The following EPHA6 variants were observed in gnomAD, a reference collection of about 807,000 sequenced individuals.
EPHA6 encodes the protein EPH receptor A6, also known as ephrin type-A receptor 6.
In EPHA6, 50 loss-of-function variants were observed where a neutral mutation model predicts 112.0. That is an observed-to-expected ratio of 0.45 (90% confidence interval 0.36 to 0.56). The LOEUF (loss-of-function observed/expected upper bound fraction) is 0.56. Among genes scored for constraint, EPHA6 ranks in the 20% least tolerant of loss-of-function variants. The pLI is 0.00. For missense variants in EPHA6, 1,280 were observed against 1,417.4 expected (o/e 0.90, Z 1.56); for synonymous variants, 529 against 490.7 (o/e 1.08, Z -1.03).
chr3:97,238,441 C>A (rs1472710342), intron 4 of EPHA6, among the ~76,000 whole-genome samples: 1 of 151,838 alleles, frequency 6.6e-6, no homozygotes, highest in Non-Finnish European at 1.5e-5. Context: ...GCATTCATTT[C>A]TTTAGTTAAA....
chr3:97,376,190 G>A (rs2109001028), intron 5 of EPHA6, among the ~76,000 whole-genome samples: 1 of 152,136 alleles, frequency 6.6e-6, no homozygotes, highest in South Asian at 2.1e-4. Context: ...TAAATTAAAG[G>A]AAGAAACACT....
At chr3:97,420,273 AC>A (rs2088508746) in intron 6 of EPHA6, among the ~76,000 whole-genome samples, 1 of 151,092 alleles carries the variant, frequency 6.6e-6, no homozygotes, top group Non-Finnish European at 1.5e-5. Context: ...CATTCAATAA[AC>A]TGTTTATCCT....
chr3:96,862,181 A>T (rs1481776801), intron 1 of EPHA6, among the ~76,000 whole-genome samples: 1 of 151,966 alleles, frequency 6.6e-6, no homozygotes, highest in African/African-American at 2.4e-5. Flanking sequence ...AATTCGAAGT[A>T]TTCTCTGATT....
intron 6 of EPHA6, among the ~76,000 whole-genome samples, chr3:97,438,544 A>G (rs1429498490): frequency 6.6e-6 from 1 of 152,210 alleles, no homozygotes; most frequent in East Asian, 1.9e-4. Context: ...GGAGCAATTA[A>G]TTCATTTTTT....
At chr3:97,382,394 T>C (rs1210158478) in intron 5 of EPHA6, among the ~76,000 whole-genome samples, 1 of 152,062 alleles carries the variant, frequency 6.6e-6, no homozygotes, top group Non-Finnish European at 1.5e-5. Flanking sequence ...TAGCATTTTG[T>C]TCTTTGTGTT....
intron 10 of EPHA6, among the ~76,000 whole-genome samples, chr3:97,489,457 G>A (rs1397972157): frequency 3.9e-5 from 6 of 152,114 alleles, no homozygotes; most frequent in East Asian, 1.9e-4. Context: ...AGGCCCAGGC[G>A]GGTGGATCAC....
In EPHA6 at chr3:97,279,879, T is replaced by G. The variant is rs1438264995; in HGVS notation, c.1606+35592T>G. On this transcript the variant is annotated intron_variant, in intron 5 of 17. Transcript: ENST00000389672. Reference sequence around the variant, plus strand: ...CTCCCTAGCATTTCTTTTTTCTTGTTGTTCGTTTGTTTTTGTTTTTTTTGA... The same window carrying G: ...CTCCCTAGCATTTCTTTTTTCTTGTGGTTCGTTTGTTTTTGTTTTTTTTGA... 1.3e-5 allele frequency among the ~76,000 whole-genome samples: 2 copies of G among 152,038 alleles called. 1 individual carries two copies. The highest frequency in any genetic ancestry group is 1.3e-4 in the Admixed American group (2 of 15,258).
chr3:97,504,784 A>G (rs556191993), intron 10 of EPHA6, among the ~76,000 whole-genome samples: 4 of 152,268 alleles, frequency 2.6e-5, no homozygotes, highest in Admixed American at 2.0e-4. Flanking sequence ...TTATTTTCAT[A>G]AAGTTGAAAT....
chr3:97,522,248 C>T (rs1011824886), intron 10 of EPHA6, among the ~76,000 whole-genome samples: 1 of 152,134 alleles, frequency 6.6e-6, no homozygotes, highest in Admixed American at 6.6e-5. Flanking sequence ...TCAAAAGTTT[C>T]TGTAGTGGAA....
chr3:97,045,565 A>C (rs1049224101), intron 3 of EPHA6, among the ~76,000 whole-genome samples: 14 of 151,996 alleles, frequency 9.2e-5, no homozygotes, highest in Non-Finnish European at 1.6e-4. Context: ...TCTAAGTAAA[A>C]AGAAAGCTAG....
intron 14 of EPHA6, among the ~76,000 whole-genome samples, chr3:97,676,960 A>G (rs951510406): frequency 1.3e-5 from 2 of 152,204 alleles, no homozygotes; most frequent in Non-Finnish European, 2.9e-5. Flanking sequence ...ATTTTGCTGT[A>G]CAATGTGGCA....
chr3:97,645,574 G>A (rs2094052972), intron 14 of EPHA6, among the ~76,000 whole-genome samples: 1 of 150,256 alleles, frequency 6.7e-6, no homozygotes, highest in Non-Finnish European at 1.5e-5. Context: ...TAGATGACGA[G>A]TTAGTGGGTG....
intron 2 of EPHA6, among the ~76,000 whole-genome samples, chr3:96,954,773 C>CTTTTTTTTTTTTTTTTTTTTTTTT (rs10612575): frequency 1.4e-5 from 1 of 72,684 alleles, no homozygotes; most frequent in African/African-American, 5.5e-5. Context: ...ACTGGTGTGC[C>CTTTTTTTTTTTTTTTTTTTTTTTT]TTTTTTTTTT....
chr3:97,126,897 GAAAAA>G (rs11463537), intron 3 of EPHA6, among the ~76,000 whole-genome samples: 1 of 126,426 alleles, frequency 7.9e-6, no homozygotes, highest in Non-Finnish European at 1.7e-5. Flanking sequence ...GGGAGAAGGT[GAAAAA>G]AAAAAAAAAG....
At chr3:97,577,062 G>T (rs750387718) in intron 11 of EPHA6, among the ~76,000 whole-genome samples, 4 of 152,074 alleles carry the variant, frequency 2.6e-5, no homozygotes, top group Non-Finnish European at 5.9e-5. Flanking sequence ...TGTCTCCCAG[G>T]CTGGAGTGCA....
At chr3:97,734,001 C>A (rs543761951) in intron 15 of EPHA6, among the ~76,000 whole-genome samples, 1 of 152,098 alleles carries the variant, frequency 6.6e-6, no homozygotes, top group East Asian at 1.9e-4. Context: ...TCAACCCTGC[C>A]ACTTACTAGC....
chr3:97,547,058 G>A (rs1162094747), intron 11 of EPHA6, among the ~76,000 whole-genome samples: 1 of 152,100 alleles, frequency 6.6e-6, no homozygotes, highest in Non-Finnish European at 1.5e-5. Flanking sequence ...GCCTTCTTCT[G>A]TCAGCTCATC....
chr3:97,246,685 A>G (rs2078996244), intron 5 of EPHA6, among the ~76,000 whole-genome samples: 1 of 151,810 alleles, frequency 6.6e-6, no homozygotes, highest in African/African-American at 2.4e-5. Context: ...TTGAAAGTAC[A>G]TAAAGGTCCT....
chr3:97,574,253 T>C (rs2093361762), intron 11 of EPHA6, among the ~76,000 whole-genome samples: 1 of 152,094 alleles, frequency 6.6e-6, no homozygotes, highest in Non-Finnish European at 1.5e-5. Context: ...CAAACATATA[T>C]TGAGCAGCTA....
Sources: allele counts gnomAD v4.1 joint callset (sites outside exome capture counted in the v4.1 genomes callset), GRCh38; gene constraint gnomAD v4.1.1; transcripts MANE v1.5; gene names NCBI Gene and HGNC (gene_info 2026-07-23, HGNC 2026-07-21).